BABAM2: variants seen among roughly 807,000 people sequenced by gnomAD.
The protein encoded by BABAM2 is BRISC and BRCA1-A complex member 2.
In BABAM2, 31 loss-of-function variants were observed where a neutral mutation model predicts 54.7. The ratio of observed to expected loss-of-function variants is 0.57; its 90% CI spans 0.43 to 0.77. The LOEUF is 0.77. Ranked by LOEUF, BABAM2 falls within the 30% of genes least tolerant of loss-of-function variation. The probability of loss-of-function intolerance (pLI) is 0.00; values close to 1 mark genes in which losing one functional copy is unlikely to be tolerated. For missense variants in BABAM2, 364 were observed against 455.8 expected (o/e 0.80, Z 1.83); for synonymous variants, 167 against 162.9 (o/e 1.03, Z -0.19).
chr2:28,021,263 A>G (rs1675240888), intron 4 of BABAM2, among the ~76,000 whole-genome samples: 1 of 152,166 alleles, frequency 6.6e-6, no homozygotes. Flanking sequence ...TGAGGGAAGC[A>G]TGCACCATGG....
intron 2 of BABAM2, among the ~76,000 whole-genome samples, chr2:27,904,861 C>G (rs1315591416): frequency 3.9e-5 from 6 of 152,056 alleles, no homozygotes; most frequent in African/African-American, 1.5e-4. Flanking sequence ...AATATATGCT[C>G]CAACAAAGCA....
At chr2:28,008,179 A>G (rs548214637) in intron 4 of BABAM2, among the ~76,000 whole-genome samples, 1 of 152,302 alleles carries the variant, frequency 6.6e-6, no homozygotes, top group South Asian at 2.1e-4. Flanking sequence ...ATTTCTTATG[A>G]ACATTAGTGG....
chr2:28,073,841 A>G (rs1272693359), intron 6 of BABAM2, among the ~76,000 whole-genome samples: 1 of 152,080 alleles, frequency 6.6e-6, no homozygotes, highest in Non-Finnish European at 1.5e-5. Flanking sequence ...TGGGGGAGGT[A>G]CTCTTACAAA....
chr2:27,889,507 G>A (rs1297833782), upstream of BABAM2, among the ~76,000 whole-genome samples: 1 of 152,014 alleles, frequency 6.6e-6, no homozygotes, highest in African/African-American at 2.4e-5. Flanking sequence ...CATTACTTTT[G>A]TAATCAGAAA....
At chr2:28,264,588 G>C (rs771234363) in intron 10 of BABAM2, among the ~76,000 whole-genome samples, 5 of 152,178 alleles carry the variant, frequency 3.3e-5, no homozygotes, top group African/African-American at 1.2e-4. Flanking sequence ...GGCCAAAACC[G>C]TCAGTTCATA....
At chr2:28,107,706 T>C (rs1667648881) in intron 6 of BABAM2, among the ~76,000 whole-genome samples, 2 of 152,232 alleles carry the variant, frequency 1.3e-5, no homozygotes, top group Admixed American at 1.3e-4. Flanking sequence ...ATCTCTCTTA[T>C]CATATGCCTT....
intron 10 of BABAM2, among the ~76,000 whole-genome samples, chr2:28,268,766 G>C (rs910668617): frequency 6.6e-6 from 1 of 152,130 alleles, no homozygotes; most frequent in African/African-American, 2.4e-5. Context: ...ATCTTTTCTG[G>C]TCCTCCTGCA....
At chr2:28,265,452 A>G (rs549620481) in intron 10 of BABAM2, among the ~76,000 whole-genome samples, 89 of 152,290 alleles carry the variant, frequency 5.8e-4, no homozygotes, top group African/African-American at 2.0e-3. Flanking sequence ...ATAGGACACA[A>G]TTAAATCAAT....
chr2:28,037,842 G>A (rs1429853552), intron 5 of BABAM2, among the ~76,000 whole-genome samples: 1 of 152,156 alleles, frequency 6.6e-6, no homozygotes, highest in Non-Finnish European at 1.5e-5. Flanking sequence ...GAAAACACTA[G>A]AGAGTGATCA....
intron 7 of BABAM2, among the ~76,000 whole-genome samples, chr2:28,166,244 G>A (rs934598330): frequency 2.0e-5 from 3 of 152,148 alleles, no homozygotes; most frequent in African/African-American, 7.2e-5. Context: ...CAAGGTTTAA[G>A]TTTTGTAAAG....
intron 10 of BABAM2, among the ~76,000 whole-genome samples, chr2:28,272,022 A>T (rs982059762): frequency 6.6e-6 from 1 of 152,198 alleles, no homozygotes; most frequent in Admixed American, 6.5e-5. Context: ...GGGGAGGGGA[A>T]GGAGAGTTAT....
At chr2:28,110,551 G>A (rs964037835) in intron 6 of BABAM2, among the ~76,000 whole-genome samples, 18 of 152,136 alleles carry the variant, frequency 1.2e-4, no homozygotes, top group African/African-American at 4.3e-4. Flanking sequence ...TTGAACCCGG[G>A]AAGTGGAGGT....
At chr2:28,298,272 TC>T in intron 10 of BABAM2, 65 bp from the exon 11 acceptor site, 1 of 1,507,552 alleles carries the variant, frequency 6.6e-7, no homozygotes, top group Non-Finnish European at 9.0e-7. Flanking sequence ...TCGGATTTAG[TC>T]AAAAAAAAAA....
chr2:28,235,313 A>T (rs2148052678), intron 7 of BABAM2, among the ~76,000 whole-genome samples: 1 of 152,158 alleles, frequency 6.6e-6, no homozygotes, highest in South Asian at 2.1e-4. Context: ...AGTAGCTGGG[A>T]TTACAGGCGC....
chr2:28,309,524 T>A lies in BABAM2; in HGVS notation c.1088+11033T>A, dbSNP rs78866349. 201 of 152,726 alleles carry A rather than the reference T, an allele frequency of 1.3e-3. 5 individuals carry two copies. In the East Asian group the frequency reaches 0.025, roughly 19 times the overall value. 9.5% of individuals were successfully genotyped at this position (152,726 alleles called of 1,614,324 possible). A position where few individuals can be genotyped will look rare whatever the true frequency, so the allele number is the denominator to read the frequency against. On this transcript the variant is annotated intron_variant, in intron 11 of 11. Coordinates refer to ENST00000379624, the MANE Select transcript of BABAM2 (RefSeq NM_199191.3). ...TGTCAGTGAATTGTCCAGCATAAGG[T>A]CTGGCATATGGTAAGAATTTGATCA...
At chr2:28,096,888 G>A (rs930570866) in intron 6 of BABAM2, among the ~76,000 whole-genome samples, 5 of 152,098 alleles carry the variant, frequency 3.3e-5, no homozygotes, top group African/African-American at 9.7e-5. Context: ...GATAAGGAGA[G>A]CTTGTTACAT....
intron 7 of BABAM2, among the ~76,000 whole-genome samples, chr2:28,179,641 G>T (rs1675402794): frequency 6.6e-6 from 1 of 152,134 alleles, no homozygotes; most frequent in African/African-American, 2.4e-5. Flanking sequence ...AGTCAGTCAA[G>T]AGAAAGAAAT....
chr2:27,940,048 TAAGTA>T, intron 3 of BABAM2, among the ~76,000 whole-genome samples: 1 of 152,314 alleles, frequency 6.6e-6, no homozygotes, highest in Non-Finnish European at 1.5e-5. Flanking sequence ...AAGGATATCC[TAAGTA>T]AAGAGAAGTC....
chr2:28,112,183 C>CT lies in BABAM2; in HGVS notation c.571-17087dup, dbSNP rs1558347150. Among the ~76,000 whole-genome samples, 338 of 69,842 alleles carry CT rather than the reference C, an allele frequency of 4.8e-3. 34 individuals are homozygous for CT. Among genetic ancestry groups the CT allele is most frequent in the South Asian group, 7.7e-3 (7 of 914 alleles). 45.8% of individuals were successfully genotyped at this position (69,842 alleles called of 152,430 possible). On this transcript the variant is annotated intron_variant, in intron 6 of 11. Transcript: ENST00000379624. ...CCTCCCTCCCTCCCTCCCTCCCTCCCTCCCTCCCTCCCTCCCTTCCTTCCT... is the reference window on the plus strand; with the variant it reads ...CCTCCCTCCCTCCCTCCCTCCCTCCCTTCCCTCCCTCCCTCCCTTCCTTCCT...
Sources: gnomAD v4.1 joint callset for allele counts (sites outside exome capture counted in the v4.1 genomes callset) on GRCh38, gnomAD v4.1.1 for gene constraint, MANE v1.5 for transcripts, NCBI Gene and HGNC (gene_info 2026-07-23, HGNC 2026-07-21) for gene names.